Variants in EML4 observed in about 807,000 individuals in gnomAD.
EML4 encodes the protein echinoderm microtubule-associated protein-like 4.
A neutral mutation model predicts 129.0 loss-of-function variants in EML4; 72 were observed. The observed-to-expected ratio is 0.56, with a 90% confidence interval of 0.46 to 0.68. The LOEUF (loss-of-function observed/expected upper bound fraction) is 0.68, where lower values mean the gene tolerates loss of function less well. EML4 is among the 30% of genes least tolerant of loss of function. The probability of loss-of-function intolerance (pLI) is 0.00; values close to 1 mark genes in which losing one functional copy is unlikely to be tolerated. For missense variants in EML4, 1,363 were observed against 1,190.6 expected, an observed-to-expected ratio of 1.14 and a Z score of -2.13; for synonymous variants, 532 against 405.0, an observed-to-expected ratio of 1.31 and a Z score of -3.77.
chr2:42,259,812 C>G (rs1396599535), intron 3 of EML4, among the ~76,000 whole-genome samples: 5 of 147,280 alleles, frequency 3.4e-5, no homozygotes, highest in African/African-American at 1.3e-4. Flanking sequence ...TCACTGCAAG[C>G]TCCGCCTCCT....
rs1558618007 is a variant in EML4 at position 42,328,960 on chromosome 2, G to A, written c.2416G>A (p.Val806Ile). 6.2e-7 allele frequency: 1 copy of A among 1,613,514 alleles called. No homozygotes were observed. The highest frequency in any genetic ancestry group is 8.5e-7 in the Non-Finnish European group (1 of 1,179,856). Reference protein sequence around the residue: ...VRSHNRKVIAVADDFCKVHLF... With the variant: ...VRSHNRKVIAIADDFCKVHLF... The stretch of plus-strand genomic sequence containing the variant: ...ATCCCACAATAGAAAGGTGATAGCT[G>A]TTGCCGATGACTTTTGTAAAGTCCA... Residue 806 changes from valine to isoleucine, a missense_variant, in exon 22 of 23, where the codon GTT becomes ATT. Coordinates refer to ENST00000318522, the MANE Select transcript of EML4 (RefSeq NM_019063.5).
At chr2:42,304,429 C>G in intron 16 of EML4, 55 bp from the exon 17 acceptor site, 1 of 1,363,556 alleles carries the variant, frequency 7.3e-7, no homozygotes, top group Non-Finnish European at 1.0e-6. Context: ...TTGCTACTGT[C>G]CCCATAGGGA....
intron 1 of EML4, chr2:42,207,850 G>T (rs1672652892): frequency 6.6e-6 from 1 of 152,200 alleles, no homozygotes; most frequent in East Asian, 1.9e-4. Context: ...TTTCCTAATT[G>T]TTCTGTGTTT....
intron 1 of EML4, among the ~76,000 whole-genome samples, chr2:42,214,006 A>G (rs1485044571): frequency 6.6e-6 from 1 of 152,224 alleles, no homozygotes; most frequent in African/African-American, 2.4e-5. Flanking sequence ...CTTATTGTGT[A>G]TATCAAATAT....
rs745758418 is a variant in EML4 at position 42,261,295 on chromosome 2, G to A, written c.512+1G>A. The A allele has an allele frequency of 7.5e-6, 12 of 1,609,982 alleles. No individual in the cohort carries two copies. The highest frequency in any genetic ancestry group is 9.3e-6 in the Non-Finnish European group (11 of 1,178,150). ...GCAAGAATGCTACTCCCACCAAAAG[G>A]TTTTAACTGTCCCCAAGTACAGAGC... On this transcript the variant is annotated splice_donor_variant, in intron 4 of 22. Coordinates refer to ENST00000318522, the MANE Select transcript of EML4 (RefSeq NM_019063.5). LOFTEE classifies it high-confidence loss of function.
intron 6 of EML4, among the ~76,000 whole-genome samples, chr2:42,268,961 G>A (rs754824362): frequency 6.6e-6 from 1 of 152,082 alleles, no homozygotes; most frequent in African/African-American, 2.4e-5. Context: ...TGCTTATTTT[G>A]AGGAAAAAGG....
At chr2:42,318,642 T>G (rs1169208938) in intron 19 of EML4, among the ~76,000 whole-genome samples, 1 of 152,212 alleles carries the variant, frequency 6.6e-6, no homozygotes, top group Non-Finnish European at 1.5e-5. Flanking sequence ...AATGAGATAT[T>G]CCACCAAAAG....
In EML4 at chr2:42,169,577, C is replaced by T. The variant is rs1042858585; in HGVS notation, c.-35C>T. The T allele has an allele frequency of 6.3e-7, 1 of 1,596,140 alleles. No homozygotes were observed. The highest frequency in any genetic ancestry group is 8.5e-7 in the Non-Finnish European group (1 of 1,174,018). On this transcript the variant is annotated 5_prime_UTR_variant, in exon 1 of 23. Transcript: ENST00000318522. ...CGGTCCGCTGAATGAAGTGCCCGCC[C>T]CTCTAAGCCCGGAGCCCGGCGCTTT...
rs183275581 is a variant in EML4, at chr2:42,261,320, C to T, written c.512+26C>T. ...GTTTTAACTGTCCCCAAGTACAGAG[C>T]TAGGGAATGGTTGTAATGATACCTA... On this transcript the variant is annotated intron_variant, in intron 4 of 22. Coordinates refer to ENST00000318522, the MANE Select transcript of EML4 (RefSeq NM_019063.5). 62 of 1,576,456 alleles carry T rather than the reference C, an allele frequency of 3.9e-5. 1 individual carries two copies. The highest frequency in any genetic ancestry group is 2.2e-4 in the Admixed American group (12 of 54,898).
intron 5 of EML4, among the ~76,000 whole-genome samples, chr2:42,263,512 C>A (rs1314742168): frequency 7.2e-6 from 1 of 138,254 alleles, no homozygotes; most frequent in Non-Finnish European, 1.5e-5. Flanking sequence ...TCAAGCAATT[C>A]TCCTGCCTCG....
At chr2:42,190,527 T>A (rs1299501309) in intron 1 of EML4, among the ~76,000 whole-genome samples, 2 of 152,190 alleles carry the variant, frequency 1.3e-5, no homozygotes, top group Non-Finnish European at 2.9e-5. Flanking sequence ...AAGACTTAGA[T>A]GAATTAGATG....
intron 1 of EML4, among the ~76,000 whole-genome samples, chr2:42,217,785 A>G (rs953429136): frequency 1.3e-5 from 2 of 152,346 alleles, no homozygotes; most frequent in Middle Eastern, 3.4e-3. Flanking sequence ...CTGTCAACCA[A>G]TATTATAACC....
At chr2:42,306,484 C>CTTTTTTTTTTTTTTTT (rs375707062) in intron 17 of EML4, among the ~76,000 whole-genome samples, 939 of 74,586 alleles carry the variant, frequency 0.013, 151 homozygotes, top group East Asian at 0.035. Flanking sequence ...GTGCTAAATC[C>CTTTTTTTTTTTTTTTT]TTTTTTTTTT....
intron 3 of EML4, among the ~76,000 whole-genome samples, chr2:42,257,399 A>G (rs756529499): frequency 7.2e-5 from 11 of 152,218 alleles, no homozygotes; most frequent in Admixed American, 3.9e-4. Context: ...ATCATGTGTA[A>G]CAATGTACTG....
At chr2:42,245,394 C>T (rs1675332063) in intron 1 of EML4, 111 bp from the exon 2 acceptor site, 1 of 1,059,412 alleles carries the variant, frequency 9.4e-7, no homozygotes. Flanking sequence ...CTTCACCTAG[C>T]CAGAATTTTT....
At chr2:42,270,971 C>T (rs541882598) in intron 6 of EML4, among the ~76,000 whole-genome samples, 327 of 152,340 alleles carry the variant, frequency 2.1e-3, no homozygotes, top group Admixed American at 5.4e-3. Context: ...TCACAGCTCA[C>T]TGCAGCCTTG....
At chr2:42,258,090 T>C (rs1558547806) in intron 3 of EML4, among the ~76,000 whole-genome samples, 2 of 152,296 alleles carry the variant, frequency 1.3e-5, no homozygotes, top group South Asian at 4.1e-4. Context: ...TGTGTAGTGA[T>C]CAGTATTATG....
chr2:42,265,928 T>G (rs1161733882), intron 6 of EML4, among the ~76,000 whole-genome samples: 3 of 152,220 alleles, frequency 2.0e-5, no homozygotes, highest in Non-Finnish European at 4.4e-5. Context: ...TATACATCAG[T>G]TTTACATTCT....
At chr2:42,325,325 C>T (rs1356476215) in intron 19 of EML4, 142 bp from the exon 20 acceptor site, 4 of 625,514 alleles carry the variant, frequency 6.4e-6, no homozygotes, top group African/African-American at 1.8e-5. Context: ...TGAGCCTGCT[C>T]AGTTTTAGAG....
Sources: allele counts gnomAD v4.1 joint callset (sites outside exome capture counted in the v4.1 genomes callset), GRCh38; gene constraint gnomAD v4.1.1; transcripts MANE v1.5; gene names NCBI Gene and HGNC (gene_info 2026-07-23, HGNC 2026-07-21).